CASD1: variants seen among roughly 807,000 people sequenced by gnomAD.
CASD1 encodes the protein N-acetylneuraminate (7)9-O-acetyltransferase.
CASD1 carries 41 observed loss-of-function variants against 100.0 expected under a neutral mutation model. The observed-to-expected ratio is 0.41, with a 90% CI of 0.32 to 0.53. The LOEUF is 0.53. Among genes scored for constraint, CASD1 ranks in the 20% least tolerant of loss-of-function variants. The pLI is 0.25. For synonymous variants in CASD1, 321 were observed against 315.6 expected (o/e 1.02, Z -0.18); for missense variants, 774 against 948.7 (o/e 0.82, Z 2.42).
the CASD1 span, chr7:94,599,011 G>T: frequency 1.5e-6 from 2 of 1,344,414 alleles, no homozygotes; most frequent in East Asian, 2.4e-5. Flanking sequence ...TCATATATTA[G>T]CCTGATGGGT....
rs930011091 is a variant in CASD1 at position 94,554,348 on chromosome 7, G to A, written c.2035-135G>A. Reference sequence around the variant, plus strand: ...CAAAAATAACTTTCTAATACTTTTAGAATATAAAAAGACTGTTGTATATGT... The same window carrying A: ...CAAAAATAACTTTCTAATACTTTTAAAATATAAAAAGACTGTTGTATATGT... On this transcript the variant is annotated intron_variant, in intron 16 of 17. Coordinates refer to ENST00000297273, the MANE Select transcript of CASD1 (RefSeq NM_022900.5). The A allele has an allele frequency of 7.0e-6, 4 of 570,122 alleles. No homozygotes were observed. In the South Asian group the frequency reaches 1.1e-4, roughly 16 times the overall value. 35.3% of individuals were successfully genotyped at this position (570,122 alleles called of 1,614,324 possible).
intron 10 of CASD1, among the ~76,000 whole-genome samples, chr7:94,540,929 A>G (rs1193094952): frequency 6.6e-6 from 1 of 152,184 alleles, no homozygotes; most frequent in African/African-American, 2.4e-5. Flanking sequence ...TCCTCAATTC[A>G]GTGACTCCAG....
At chr7:94,597,016 GAA>G in the CASD1 span, among the ~76,000 whole-genome samples, 2 of 152,018 alleles carry the variant, frequency 1.3e-5, no homozygotes, top group Non-Finnish European at 2.9e-5. Flanking sequence ...CAATATTCTT[GAA>G]ATTTTACCAA....
the CASD1 span, chr7:94,587,597 C>T: frequency 7.3e-7 from 1 of 1,378,222 alleles, no homozygotes; most frequent in African/African-American, 1.5e-5. Context: ...ATTTTTATAA[C>T]AAAGTTTGTT....
intron 5 of CASD1, among the ~76,000 whole-genome samples, chr7:94,531,755 TG>T (rs1268327277): frequency 8.5e-5 from 13 of 152,170 alleles, no homozygotes; most frequent in African/African-American, 3.1e-4. Context: ...GTCAATTTTT[TG>T]TTATTAAATT....
the CASD1 span, among the ~76,000 whole-genome samples, chr7:94,567,719 G>A: frequency 2.0e-5 from 3 of 152,060 alleles, no homozygotes; most frequent in Non-Finnish European, 4.4e-5. Flanking sequence ...TCCTTGTTAT[G>A]TATGTATTTT....
At chr7:94,571,405 G>T in the CASD1 span, among the ~76,000 whole-genome samples, 7 of 152,234 alleles carry the variant, frequency 4.6e-5, no homozygotes, top group Admixed American at 6.5e-5. Context: ...TTAGTTGACA[G>T]GTTCCGCACT....
the CASD1 span, chr7:94,598,334 C>T: frequency 1.1e-5 from 2 of 186,020 alleles, no homozygotes; most frequent in East Asian, 1.6e-4. Flanking sequence ...TCATAAAAAA[C>T]AACCCAAACA....
intron 10 of CASD1, among the ~76,000 whole-genome samples, chr7:94,541,375 C>A (rs933982009): frequency 6.6e-6 from 1 of 151,444 alleles, no homozygotes; most frequent in African/African-American, 2.4e-5. Flanking sequence ...ATCAAAAATT[C>A]TAGAGAATTA....
At chr7:94,534,889 A>C (rs1367149551) in intron 7 of CASD1, among the ~76,000 whole-genome samples, 1 of 152,178 alleles carries the variant, frequency 6.6e-6, no homozygotes, top group Non-Finnish European at 1.5e-5. Context: ...TGATATGAAG[A>C]AAGTTTACAG....
Position 94,528,267 on chromosome 7 carries a change from C to T in CASD1, c.459+17C>T. The stretch of plus-strand genomic sequence containing the variant: ...TGGACTGAGGTCTGTATTTAAAAAA[C>T]ATAGGCTTTTTTTTTTTTTATTTTT... On this transcript the variant is annotated intron_variant, in intron 5 of 17. Coordinates refer to ENST00000297273, the MANE Select transcript of CASD1 (RefSeq NM_022900.5). 1 of 1,449,966 alleles carries T rather than the reference C, an allele frequency of 6.9e-7. No homozygotes were observed. The highest frequency in any genetic ancestry group is 9.3e-7 in the Non-Finnish European group (1 of 1,073,388). The allele number at this position is 1,449,966 out of a possible 1,614,324, so 89.8% of individuals were successfully genotyped here. A position where few individuals can be genotyped will look rare whatever the true frequency, so the allele number is the denominator to read the frequency against.
chr7:94,554,684 C>T (rs780248037), intron 17 of CASD1, 109 bp downstream of exon 17: 5 of 573,564 alleles, frequency 8.7e-6, no homozygotes, highest in Non-Finnish European at 1.5e-5. Flanking sequence ...GAAAATCGGA[C>T]GTACTTTTTT....
intron 16 of CASD1, 103 bp downstream of exon 16, chr7:94,552,530 A>C: frequency 1.3e-6 from 1 of 778,414 alleles, no homozygotes; most frequent in Non-Finnish European, 2.1e-6. Context: ...AATGTAGAGA[A>C]GTTACTTCAT....
chr7:94,542,933 ACT>A (rs1795486305), intron 10 of CASD1, among the ~76,000 whole-genome samples: 1 of 152,124 alleles, frequency 6.6e-6, no homozygotes. Context: ...ATAAATAAAA[ACT>A]CTTTGTTTGA....
chr7:94,564,237 G>A, the CASD1 span, among the ~76,000 whole-genome samples: 3 of 152,204 alleles, frequency 2.0e-5, no homozygotes, highest in Admixed American at 6.5e-5. Context: ...AACTGTGTCT[G>A]GCACAACAGT....
At chr7:94,587,159 T>C in the CASD1 span, 1 of 984,436 alleles carries the variant, frequency 1.0e-6, no homozygotes, top group African/African-American at 1.7e-5. Flanking sequence ...TCTTTGGCTC[T>C]TATATTTGTT....
At chr7:94,598,919 T>C in the CASD1 span, 5 of 1,613,916 alleles carry the variant, frequency 3.1e-6, no homozygotes, top group Non-Finnish European at 4.2e-6. Flanking sequence ...GTCTCGAAGC[T>C]CCTTGGTAGA....
chr7:94,543,358 A>G (rs1456885103), intron 10 of CASD1, among the ~76,000 whole-genome samples: 1 of 152,192 alleles, frequency 6.6e-6, no homozygotes, highest in Non-Finnish European at 1.5e-5. Flanking sequence ...AGATCACTTT[A>G]AAAAGCAGTG....
the CASD1 span, among the ~76,000 whole-genome samples, chr7:94,616,213 C>T: frequency 6.6e-6 from 1 of 152,150 alleles, no homozygotes; most frequent in Non-Finnish European, 1.5e-5. Context: ...AGTAGATTTA[C>T]TCTGAGGTTC....
Sources: gnomAD v4.1 joint callset for allele counts (sites outside exome capture counted in the v4.1 genomes callset) on GRCh38, gnomAD v4.1.1 for gene constraint, MANE v1.5 for transcripts, NCBI Gene and HGNC (gene_info 2026-07-23, HGNC 2026-07-21) for gene names.